CDH13: variants seen among roughly 807,000 people sequenced by gnomAD.
CDH13 encodes cadherin-13.
CDH13 carries 24 observed loss-of-function variants against 63.8 expected under a neutral mutation model. The ratio of observed to expected loss-of-function variants is 0.38; its 90% CI spans 0.27 to 0.53. The LOEUF (loss-of-function observed/expected upper bound fraction) is 0.53, where lower values mean the gene tolerates loss of function less well. CDH13 is among the 20% of genes least tolerant of loss of function. CDH13 has a pLI of 0.85. For missense variants in CDH13, 1,049 were observed against 903.1 expected, an observed-to-expected ratio of 1.16 and a Z score of -2.07; for synonymous variants, 503 against 355.3, an observed-to-expected ratio of 1.42 and a Z score of -4.67.
intron 6 of CDH13, among the ~76,000 whole-genome samples, chr16:83,382,539 C>A (rs2091589083): frequency 6.6e-6 from 1 of 152,058 alleles, no homozygotes; most frequent in African/African-American, 2.4e-5. Flanking sequence ...TCATATCTGC[C>A]TCCCCAAGTA....
rs117271588 is a variant in CDH13, at chr16:82,983,342, G to A, written c.158-48668G>A. Among the ~76,000 whole-genome samples the A allele has an allele frequency of 5.3e-3, 808 of 152,044 alleles. 11 individuals are homozygous for A. Among genetic ancestry groups the A allele is most frequent in the Non-Finnish European group, 3.5e-3 (239 of 67,980 alleles). On this transcript the variant is annotated intron_variant, in intron 2 of 13. Coordinates refer to ENST00000567109, the MANE Select transcript of CDH13 (RefSeq NM_001257.5). ...GCTTCGTCCCCATTTTTTCTCACCC[G>A]GCTGTTTCCCCTAATATAATAATTG...
Position 83,162,559 on chromosome 16 carries a change from T to A in CDH13, c.483+37058T>A, listed in dbSNP as rs147348707. On this transcript the variant is annotated intron_variant, in intron 4 of 13. Coordinates refer to ENST00000567109, the MANE Select transcript of CDH13 (RefSeq NM_001257.5). ...TTAAAGGTTGAACAAAGCAAGGTGT[T>A]GAAAGAGCACCCTGAGTCTGACAGT... Among the ~76,000 whole-genome samples, 994 of 150,844 alleles carry A rather than the reference T, an allele frequency of 6.6e-3. 20 individuals are homozygous for A. Among genetic ancestry groups the A allele is most frequent in the Non-Finnish European group, 0.011 (721 of 67,120 alleles).
chr16:82,644,745 C>G lies in CDH13; in HGVS notation c.45+17608C>G, dbSNP rs1435756439. Among the ~76,000 whole-genome samples the G allele has an allele frequency of 1.3e-5, 2 of 152,100 alleles. No homozygotes were observed. Among genetic ancestry groups the G allele is most frequent in the African/African-American group, 2.4e-5 (1 of 41,418 alleles). ...AGGTGACAGGAGTCCGCTGGGCTCC[C>G]TCTGATTCTTAAAGCCTTTCCAGGT... On this transcript the variant is annotated intron_variant, in intron 1 of 13. Transcript: ENST00000567109. This position sits in a 1 kb window ranked among gnomAD's most constrained non-coding sequence, Gnocchi z 5.7.
intron 1 of CDH13, among the ~76,000 whole-genome samples, chr16:82,763,097 A>G (rs1351327648): frequency 6.6e-6 from 1 of 152,004 alleles, no homozygotes; most frequent in African/African-American, 2.4e-5. Context: ...GCCCCAGAAC[A>G]CCCCAGGCGT....
intron 2 of CDH13, among the ~76,000 whole-genome samples, chr16:82,969,458 C>G (rs547954591): frequency 3.5e-4 from 50 of 144,240 alleles, no homozygotes; most frequent in Non-Finnish European, 7.3e-4. Flanking sequence ...CTCATTTTCT[C>G]TGGCTATTTT....
At chr16:83,564,224 C>T (rs535346916) in intron 7 of CDH13, among the ~76,000 whole-genome samples, 1 of 151,842 alleles carries the variant, frequency 6.6e-6, no homozygotes, top group Non-Finnish European at 1.5e-5. Flanking sequence ...AAAATTGGAC[C>T]GAGTCTGTAT....
At chr16:82,692,865 T>G (rs1307473443) in intron 1 of CDH13, among the ~76,000 whole-genome samples, 1 of 152,228 alleles carries the variant, frequency 6.6e-6, no homozygotes, top group African/African-American at 2.4e-5. Flanking sequence ...TGATCCTCAC[T>G]TCCTGGTCTT....
intron 6 of CDH13, among the ~76,000 whole-genome samples, chr16:83,461,123 C>T (rs1252543995): frequency 2.0e-5 from 3 of 152,028 alleles, no homozygotes; most frequent in Non-Finnish European, 4.4e-5. Flanking sequence ...TGTGATATTT[C>T]TTAAGCTGGG....
chr16:83,130,278 AGG>A (rs1567859143), intron 4 of CDH13, among the ~76,000 whole-genome samples: 1 of 152,250 alleles, frequency 6.6e-6, no homozygotes, highest in Non-Finnish European at 1.5e-5. Context: ...AATGAGACTC[AGG>A]GGTGACGTAA....
At chr16:83,097,445 C>T (rs947511119) in intron 3 of CDH13, among the ~76,000 whole-genome samples, 1 of 152,146 alleles carries the variant, frequency 6.6e-6, no homozygotes, top group Admixed American at 6.5e-5. Flanking sequence ...GTCACAGAAT[C>T]AGTGTGCATA....
intron 4 of CDH13, among the ~76,000 whole-genome samples, chr16:83,153,567 A>G (rs2037081617): frequency 6.6e-6 from 1 of 152,222 alleles, no homozygotes; most frequent in Non-Finnish European, 1.5e-5. Context: ...AAGTTAGTTC[A>G]GCCTATGCCC....
chr16:83,452,220 C>A (rs760445889), intron 6 of CDH13, among the ~76,000 whole-genome samples: 2 of 152,152 alleles, frequency 1.3e-5, no homozygotes, highest in Non-Finnish European at 2.9e-5. Flanking sequence ...TTGTGACAGT[C>A]GGTAGTATGT....
chr16:83,644,810 C>G (rs1315644759), intron 8 of CDH13, among the ~76,000 whole-genome samples: 1 of 152,226 alleles, frequency 6.6e-6, no homozygotes, highest in East Asian at 1.9e-4. Flanking sequence ...TACTAATATC[C>G]TTCATGCTTC....
At chr16:83,522,801 AG>A (rs2074871401) in intron 7 of CDH13, among the ~76,000 whole-genome samples, 1 of 152,112 alleles carries the variant, frequency 6.6e-6, no homozygotes, top group Non-Finnish European at 1.5e-5. Flanking sequence ...GGCTTATTAC[AG>A]AGGCTCTGAC....
At chr16:83,465,299 C>T (rs1199667261) in intron 6 of CDH13, among the ~76,000 whole-genome samples, 1 of 152,170 alleles carries the variant, frequency 6.6e-6, no homozygotes, top group Non-Finnish European at 1.5e-5. Context: ...ACAGAAGCAA[C>T]ATAACTGAGT....
chr16:83,311,751 C>T (rs554451848), intron 5 of CDH13, among the ~76,000 whole-genome samples: 1 of 152,306 alleles, frequency 6.6e-6, no homozygotes, highest in East Asian at 1.9e-4. Flanking sequence ...TTTATTCCAG[C>T]TTGGACAAAT....
At chr16:83,240,914 T>C (rs540580601) in intron 5 of CDH13, among the ~76,000 whole-genome samples, 5 of 152,158 alleles carry the variant, frequency 3.3e-5, no homozygotes, top group South Asian at 4.2e-4. Context: ...ACTCACATTG[T>C]TGTGTGACAA....
intron 7 of CDH13, among the ~76,000 whole-genome samples, chr16:83,584,138 G>A (rs1905908123): frequency 6.6e-6 from 1 of 152,088 alleles, no homozygotes. Flanking sequence ...GACCATCTTG[G>A]CTAACATGGT....
At chr16:83,130,863 C>A (rs1016843992) in intron 4 of CDH13, among the ~76,000 whole-genome samples, 5 of 152,208 alleles carry the variant, frequency 3.3e-5, no homozygotes, top group Non-Finnish European at 5.9e-5. Flanking sequence ...GACTCATATC[C>A]TGAAGAATGA....
Sources: gnomAD v4.1 joint callset for allele counts (sites outside exome capture counted in the v4.1 genomes callset) on GRCh38, gnomAD v4.1.1 for gene constraint, Gnocchi (gnomAD v3.1) non-coding constraint, MANE v1.5 for transcripts, NCBI Gene and HGNC (gene_info 2026-07-23, HGNC 2026-07-21) for gene names.